The following UNC5CL variants were observed in gnomAD, a reference collection of about 807,000 sequenced individuals.
The protein encoded by UNC5CL is UNC5C-like protein.
UNC5CL carries 42 observed loss-of-function variants against 54.1 expected under a neutral mutation model. That is an observed-to-expected ratio of 0.78 (90% confidence interval 0.61 to 1.00). The LOEUF is 1.00. Ranked by LOEUF, UNC5CL falls within the 50% of genes least tolerant of loss-of-function variation. UNC5CL has a pLI of 0.00. For synonymous variants in UNC5CL, 285 were observed against 285.1 expected, an observed-to-expected ratio of 1.00 and a Z score of 0.00; for missense variants, 619 against 675.6, an observed-to-expected ratio of 0.92 and a Z score of 0.93.
At position 41,031,757 on chromosome 6, in the gene UNC5CL, AG is replaced by A. The variant is rs762073262; in HGVS notation, c.1052-10del. On this transcript the variant is annotated splice_polypyrimidine_tract_variant and intron_variant, in intron 5 of 8. Transcript: ENST00000244565. ...GTCCTCATTCTCATCGGCTATAAAGAGAAGGTGACAGCGTGGCCAGTGAGTG... is the reference window on the plus strand; with the variant it reads ...GTCCTCATTCTCATCGGCTATAAAGAAAGGTGACAGCGTGGCCAGTGAGTG... 1.6e-5 allele frequency: 26 copies of A among 1,613,994 alleles called. No individual in the cohort carries two copies. Among genetic ancestry groups the A allele is most frequent in the Non-Finnish European group, 2.2e-5 (26 of 1,179,986 alleles).
At position 41,035,111 on chromosome 6, in the gene UNC5CL, C is replaced by T. The variant is rs1345699118; in HGVS notation, c.-37G>A. 2.0e-6 allele frequency: 3 copies of T among 1,522,876 alleles called. No homozygotes were observed. Among genetic ancestry groups the T allele is most frequent in the Non-Finnish European group, 2.6e-6 (3 of 1,135,122 alleles). The allele number at this position is 1,522,876 out of a possible 1,614,324, so 94.3% of individuals were successfully genotyped here. On this transcript the variant is annotated 5_prime_UTR_variant, in exon 2 of 9. Transcript: ENST00000244565. Reference sequence around the variant, plus strand: ...CTCAATGCCGCTGGCTCTCCTTCACCCCTGTGCCAGCCAAAGCCAAAGGCC... The same window carrying T: ...CTCAATGCCGCTGGCTCTCCTTCACTCCTGTGCCAGCCAAAGCCAAAGGCC...
In UNC5CL at chr6:41,033,934, C is replaced by A; in HGVS notation, c.633G>T (p.Arg211=). 1 of 1,613,920 alleles carries A rather than the reference C, an allele frequency of 6.2e-7. No homozygotes were observed. ...CATCCCGGGAGGCGTGGGCCCCCGG[C>A]CGCCCCAGGGGCCTCCATACCTTGG... ...LDAKVWRPLG[R]PGAHASRDEC... The change falls in exon 3 of 9, where the codon CGG becomes CGT. Residue 211 remains arginine, a synonymous_variant. Transcript: ENST00000244565.
rs201101797 is a variant in UNC5CL at position 41,028,329 on chromosome 6, C to G, written c.*44G>C. 2.0e-6 allele frequency: 3 copies of G among 1,493,972 alleles called. No individual in the cohort carries two copies. Among genetic ancestry groups the G allele is most frequent in the Non-Finnish European group, 2.7e-6 (3 of 1,117,340 alleles). The allele number at this position is 1,493,972 out of a possible 1,614,324, so 92.5% of individuals were successfully genotyped here. The stretch of plus-strand genomic sequence containing the variant: ...GTTCCTCTTAGGCGTAGGAGAACAA[C>G]CCCTCTCGCCCCTACACCTCCTCCG... On this transcript the variant is annotated 3_prime_UTR_variant, in exon 9 of 9. Coordinates refer to ENST00000244565, the MANE Select transcript of UNC5CL (RefSeq NM_173561.3). The surrounding 1 kb of genome is among the most constrained non-coding windows in gnomAD (Gnocchi z 4.3).
At chr6:41,035,651 T>TGCA in intron 1 of UNC5CL, among the ~76,000 whole-genome samples, 1 of 152,346 alleles carries the variant, frequency 6.6e-6, no homozygotes, top group Non-Finnish European at 1.5e-5. Context: ...ATGTCCACTT[T>TGCA]TAATTACATG....
Position 41,028,301 on chromosome 6 carries a change from T to C in UNC5CL, c.*72A>G, listed in dbSNP as rs1190106192. The stretch of plus-strand genomic sequence containing the variant: ...GGTGGGCACAGCCAGGAACAGCTGC[T>C]GTGTTCCTCTTAGGCGTAGGAGAAC... On this transcript the variant is annotated 3_prime_UTR_variant, in exon 9 of 9. Coordinates refer to ENST00000244565, the MANE Select transcript of UNC5CL (RefSeq NM_173561.3). The surrounding 1 kb of genome is among the most constrained non-coding windows in gnomAD (Gnocchi z 4.3). 1 of 1,380,122 alleles carries C rather than the reference T, an allele frequency of 7.2e-7. No individual in the cohort carries two copies. The highest frequency in any genetic ancestry group is 1.4e-5 in the African/African-American group (1 of 69,436). The allele number at this position is 1,380,122 out of a possible 1,614,324, so 85.5% of individuals were successfully genotyped here.
Position 41,031,694 on chromosome 6 carries a change from T to C in UNC5CL, c.1106A>G (p.His369Arg). ...ALTNEIIVTM[H>R]TFQDGLETKY... ...GCTCCAACTCACATCCTGGAAGGTG[T>C]GCATGGTGACAATGATCTCATTGGT... The change falls in exon 6 of 9, where the codon CAC (histidine) becomes CGC (arginine). Residue 369 changes from histidine (H) to arginine (R), a missense_variant. Physicochemically the swap from His to Arg is conservative, Grantham distance 29. Transcript: ENST00000244565. 1 of 1,614,168 alleles carries C rather than the reference T, an allele frequency of 6.2e-7. No individual in the cohort carries two copies.
At chr6:41,038,613 G>A (rs1762548248) in intron 1 of UNC5CL, among the ~76,000 whole-genome samples, 1 of 152,144 alleles carries the variant, frequency 6.6e-6, no homozygotes, top group Non-Finnish European at 1.5e-5. Flanking sequence ...ATTCGAGTGT[G>A]ACTTGGGGCA....
chr6:41,032,013 T>C (rs937377060), intron 5 of UNC5CL, 23 bp downstream of exon 5: 2 of 1,609,710 alleles, frequency 1.2e-6, no homozygotes, highest in Non-Finnish European at 1.7e-6. Flanking sequence ...GGGGAGGAGG[T>C]ACACACAGGG....
At position 41,030,714 on chromosome 6, in the gene UNC5CL, T is replaced by C. The variant is rs781288256; in HGVS notation, c.1161A>G (p.Ala387=). The C allele has an allele frequency of 7.4e-6, 12 of 1,613,986 alleles. No homozygotes were observed. The highest frequency in any genetic ancestry group is 1.0e-5 in the Non-Finnish European group (12 of 1,180,018). The change falls in exon 7 of 9, where the codon GCA becomes GCG. Residue 387 remains alanine (A), a synonymous_variant. Transcript: ENST00000244565. The part of the protein sequence containing the change: ...TKYMEILRFQ[A]SEEESWAAPP... Reference sequence around the variant, plus strand: ...GCGCTGCCCAGGATTCCTCCTCTGATGCCTGGAATCTGAGGATTTCCATAT... The same window carrying C: ...GCGCTGCCCAGGATTCCTCCTCTGACGCCTGGAATCTGAGGATTTCCATAT...
intron 6 of UNC5CL, 102 bp downstream of exon 6, chr6:41,031,579 A>G: frequency 2.6e-6 from 3 of 1,150,556 alleles, no homozygotes; most frequent in South Asian, 1.2e-5. Flanking sequence ...ATCTTTACCT[A>G]TGTGATTAAG....
intron 6 of UNC5CL, among the ~76,000 whole-genome samples, chr6:41,031,210 C>T (rs567187877): frequency 2.0e-5 from 3 of 152,308 alleles, no homozygotes; most frequent in South Asian, 2.1e-4. Context: ...CCGATTTCTT[C>T]GCATCTTCCC....
In UNC5CL at chr6:41,032,337, A is replaced by G. The variant is rs547130526; in HGVS notation, c.950-200T>C. Among the ~76,000 whole-genome samples, 5 of 152,276 alleles carry G rather than the reference A, an allele frequency of 3.3e-5. No homozygotes were observed. The East Asian group carries it at 9.7e-4, about 29-fold the overall frequency. On this transcript the variant is annotated intron_variant, in intron 4 of 8. Transcript: ENST00000244565. ...ATCCTTTCCTGCTTCTGTGGGGTAT[A>G]ACCCCTCTCCTTCCCACCTGCCACC... is the stretch of plus-strand genomic sequence containing the variant.
rs1762409305 is a variant in UNC5CL, at chr6:41,028,167, G to A, written c.*206C>T. ...GGCTCCTGCGCCCTCTGCCGGCCAG[G>A]AGGGGACCCGCACGCGGGACAGCTC... On this transcript the variant is annotated 3_prime_UTR_variant, in exon 9 of 9. Transcript: ENST00000244565. The surrounding 1 kb of genome is among the most constrained non-coding windows in gnomAD (Gnocchi z 4.3). 7 of 593,624 alleles carry A rather than the reference G, an allele frequency of 1.2e-5. No homozygotes were observed. The highest frequency in any genetic ancestry group is 2.0e-5 in the Non-Finnish European group (7 of 343,622). 36.8% of individuals were successfully genotyped at this position (593,624 alleles called of 1,614,324 possible).
rs1222992748 is a variant in UNC5CL at position 41,028,225 on chromosome 6, C to T, written c.*148G>A. The T allele has an allele frequency of 6.0e-6, 5 of 838,198 alleles. No homozygotes were observed. In the African/African-American group the frequency reaches 7.1e-5, roughly 12 times the overall value. The allele number at this position is 838,198 out of a possible 1,614,324, so 51.9% of individuals were successfully genotyped here. ...GAAGGGCGCGCCTGCTGCTGGGAGG[C>T]TGGCGAGGACGCGGGCGGCCCTGGC... On this transcript the variant is annotated 3_prime_UTR_variant, in exon 9 of 9. Transcript: ENST00000244565. The surrounding 1 kb of genome is among the most constrained non-coding windows in gnomAD (Gnocchi z 4.3).
In UNC5CL at chr6:41,027,166, T is replaced by G. The variant is rs1374961150; in HGVS notation, c.*1207A>C. 1.3e-5 allele frequency: 2 copies of G among 152,230 alleles called. No individual in the cohort carries two copies. The highest frequency in any genetic ancestry group is 2.9e-5 in the Non-Finnish European group (2 of 68,038). 9.4% of individuals were successfully genotyped at this position (152,230 alleles called of 1,614,324 possible). ...TGCCTCTTTTATCCCTATCCTTTAT[T>G]TCCCAACCCTAAACTGGATCTTGAT... On this transcript the variant is annotated 3_prime_UTR_variant, in exon 9 of 9. Coordinates refer to ENST00000244565, the MANE Select transcript of UNC5CL (RefSeq NM_173561.3).
rs1762433401 is a variant in UNC5CL at position 41,029,961 on chromosome 6, T to C, written c.1334+427A>G. 6.6e-6 allele frequency among the ~76,000 whole-genome samples: 1 copy of C among 152,196 alleles called. No homozygotes were observed. The highest frequency in any genetic ancestry group is 1.5e-5 in the Non-Finnish European group (1 of 68,042). ...GTGTAGTTTCTGGAGCTTAGCTCAG[T>C]ATTCTCCTGCTTTCTGAGTTCCTTG... On this transcript the variant is annotated intron_variant, in intron 8 of 8. Transcript: ENST00000244565. The surrounding 1 kb of genome is among the most constrained non-coding windows in gnomAD (Gnocchi z 4.1).
chr6:41,037,283 C>A (rs993988125), intron 1 of UNC5CL, among the ~76,000 whole-genome samples: 1 of 152,198 alleles, frequency 6.6e-6, no homozygotes, highest in Non-Finnish European at 1.5e-5. Context: ...TTCAATCCTG[C>A]CAAAGATGAC....
intron 1 of UNC5CL, among the ~76,000 whole-genome samples, chr6:41,038,769 G>C (rs913743715): frequency 1.3e-5 from 2 of 152,094 alleles, no homozygotes; most frequent in Non-Finnish European, 2.9e-5. Context: ...GCATCCTCCA[G>C]CACAAAGATC....
Position 41,034,082 on chromosome 6 carries a change from G to A in UNC5CL, c.485C>T (p.Pro162Leu), listed in dbSNP as rs1363351532. ...CCCATGGGGGCCACATGCCACCACA[G>A]GGCTTACCAGCCCCTGGGCTTGGGA... ...SLSQAQGLVS[P>L]VVACGPHGAS... Residue 162 changes from proline (P) to leucine (L), a missense_variant, in exon 3 of 9, where the codon CCT becomes CTT. By Grantham distance (98) the Pro-to-Leu change is moderately conservative. Transcript: ENST00000244565. 1 of 1,614,064 alleles carries A rather than the reference G, an allele frequency of 6.2e-7. No homozygotes were observed. Among genetic ancestry groups the A allele is most frequent in the African/African-American group, 1.3e-5 (1 of 74,942 alleles).
Sources: allele counts gnomAD v4.1 joint callset (sites outside exome capture counted in the v4.1 genomes callset), GRCh38; gene constraint gnomAD v4.1.1; non-coding constraint Gnocchi (gnomAD v3.1); transcripts MANE v1.5; gene names NCBI Gene and HGNC (gene_info 2026-07-23, HGNC 2026-07-21).